The following KCNQ1 variants were observed in gnomAD, a reference collection of about 807,000 sequenced individuals.
KCNQ1 encodes potassium voltage-gated channel subfamily Q member 1.
In KCNQ1, 49 loss-of-function variants were observed where a neutral mutation model predicts 72.4. The observed-to-expected ratio is 0.68, with a 90% CI of 0.54 to 0.86. The LOEUF (loss-of-function observed/expected upper bound fraction) is 0.86, where lower values mean the gene tolerates loss of function less well. KCNQ1 is among the 40% of genes least tolerant of loss of function. KCNQ1 has a pLI of 0.00. For synonymous variants in KCNQ1, 450 were observed against 412.6 expected (o/e 1.09, Z -1.10); for missense variants, 790 against 945.1 (o/e 0.84, Z 2.15).
At chr11:2,551,281 G>A (rs115902367) in intron 2 of KCNQ1, among the ~76,000 whole-genome samples, 113 of 152,202 alleles carry the variant, frequency 7.4e-4, no homozygotes, top group African/African-American at 2.5e-3. Context: ...GCCCCTCCCC[G>A]CACCTGGGAA....
At chr11:2,697,444 G>A (rs532151517) in intron 11 of KCNQ1, 10 of 398,404 alleles carry the variant, frequency 2.5e-5, no homozygotes, top group African/African-American at 2.1e-4. Flanking sequence ...ATCTTAAAGA[G>A]AATGATACAC....
In KCNQ1 at chr11:2,653,278, TG is replaced by T. The variant is rs1590008328; in HGVS notation, c.1394-8678del. 5.0e-6 allele frequency: 2 copies of T among 398,732 alleles called. No homozygotes were observed. Among genetic ancestry groups the T allele is most frequent in the East Asian group, 3.6e-5 (1 of 28,080 alleles). 24.7% of individuals were successfully genotyped at this position (398,732 alleles called of 1,614,324 possible). On this transcript the variant is annotated intron_variant, in intron 10 of 15. Coordinates refer to ENST00000155840, the MANE Select transcript of KCNQ1 (RefSeq NM_000218.3). This position sits in a 1 kb window ranked among gnomAD's most constrained non-coding sequence, Gnocchi z 5.3. ...CCCTGCCCTCTGCCCTGAAAACTAG[TG>T]GGGGCAGTGCAGACCAGTTTAGCTA...
intron 11 of KCNQ1, among the ~76,000 whole-genome samples, chr11:2,765,914 T>C (rs1272208720): frequency 6.6e-6 from 1 of 152,220 alleles, no homozygotes; most frequent in East Asian, 1.9e-4. Context: ...CCACTTATAA[T>C]GTATGCAATC....
Position 2,601,619 on chromosome 11 carries a change from T to C in KCNQ1, c.1393+12765T>C, listed in dbSNP as rs902572249. On this transcript the variant is annotated intron_variant, in intron 10 of 15. Coordinates refer to ENST00000155840, the MANE Select transcript of KCNQ1 (RefSeq NM_000218.3). This position sits in a 1 kb window ranked among gnomAD's most constrained non-coding sequence, Gnocchi z 5.2. Reference sequence around the variant, plus strand: ...TGGTGACCACTCATCTGTTCTCTGATTCTCTAGTTTTGTCTTTTCAAAAAT... The same window carrying C: ...TGGTGACCACTCATCTGTTCTCTGACTCTCTAGTTTTGTCTTTTCAAAAAT... Among the ~76,000 whole-genome samples the C allele has an allele frequency of 3.3e-5, 5 of 152,190 alleles. No individual in the cohort carries two copies. Among genetic ancestry groups the C allele is most frequent in the Non-Finnish European group, 5.9e-5 (4 of 68,030 alleles).
intron 1 of KCNQ1, among the ~76,000 whole-genome samples, chr11:2,490,877 G>GT (rs1477199333): frequency 7.2e-5 from 11 of 151,938 alleles, no homozygotes; most frequent in African/African-American, 1.7e-4. Context: ...TTGTTTGTTT[G>GT]TTTGTTTTAG....
At position 2,508,209 on chromosome 11, in the gene KCNQ1, G is replaced by A. The variant is rs537753632; in HGVS notation, c.387-19719G>A. On this transcript the variant is annotated intron_variant, in intron 1 of 15. Transcript: ENST00000155840. This position sits in a 1 kb window ranked among gnomAD's most constrained non-coding sequence, Gnocchi z 6.2. The stretch of plus-strand genomic sequence containing the variant: ...CAAACACTAGGCATGCATGTTTGAG[G>A]TACCACAACCTCCACCAACCCATGG... Among the ~76,000 whole-genome samples, 36 of 152,310 alleles carry A rather than the reference G, an allele frequency of 2.4e-4. No homozygotes were observed. Among genetic ancestry groups the A allele is most frequent in the African/African-American group, 8.4e-4 (35 of 41,576 alleles).
In KCNQ1 at chr11:2,612,639, C is replaced by T; in HGVS notation, c.1393+23785C>T. 2.5e-6 allele frequency: 1 copy of T among 398,500 alleles called. No individual in the cohort carries two copies. The allele number at this position is 398,500 out of a possible 1,614,324, so 24.7% of individuals were successfully genotyped here. On this transcript the variant is annotated intron_variant, in intron 10 of 15. Transcript: ENST00000155840. The surrounding 1 kb of genome is among the most constrained non-coding windows in gnomAD (Gnocchi z 5.5). Reference sequence around the variant, plus strand: ...TATTATCTATTTGATGAGTCTTTGTCATCACACTTGCATTCTTTAATGTGG... The same window carrying T: ...TATTATCTATTTGATGAGTCTTTGTTATCACACTTGCATTCTTTAATGTGG...
rs926675684 is a variant in KCNQ1 at position 2,537,891 on chromosome 11, T to G, written c.477+9873T>G. Among the ~76,000 whole-genome samples, 2 of 152,120 alleles carry G rather than the reference T, an allele frequency of 1.3e-5. No individual in the cohort carries two copies. Among genetic ancestry groups the G allele is most frequent in the African/African-American group, 2.4e-5 (1 of 41,418 alleles). On this transcript the variant is annotated intron_variant, in intron 2 of 15. Transcript: ENST00000155840. This position sits in a 1 kb window ranked among gnomAD's most constrained non-coding sequence, Gnocchi z 5.2. ...CCACCATGCCCCGCTAATTTTTGTATTTTTTGTAGAGATAGGGTTTTGCCA... is the reference window on the plus strand; with the variant it reads ...CCACCATGCCCCGCTAATTTTTGTAGTTTTTGTAGAGATAGGGTTTTGCCA...
Position 2,818,065 on chromosome 11 carries a change from G to A in KCNQ1, c.1795-29702G>A, listed in dbSNP as rs2134050341. On this transcript the variant is annotated intron_variant, in intron 15 of 15. Coordinates refer to ENST00000155840, the MANE Select transcript of KCNQ1 (RefSeq NM_000218.3). This position sits in a 1 kb window ranked among gnomAD's most constrained non-coding sequence, Gnocchi z 7.2. ...AACCCACTATCCTGGCAAAAAAGTGGCAGGATTGTCTGAAAAACACATGGC... is the reference window on the plus strand; with the variant it reads ...AACCCACTATCCTGGCAAAAAAGTGACAGGATTGTCTGAAAAACACATGGC... 6.6e-6 allele frequency among the ~76,000 whole-genome samples: 1 copy of A among 152,266 alleles called. No individual in the cohort carries two copies. Among genetic ancestry groups the A allele is most frequent in the South Asian group, 2.1e-4 (1 of 4,830 alleles).
chr11:2,749,505 T>G (rs1163382555), intron 11 of KCNQ1, among the ~76,000 whole-genome samples: 1 of 151,628 alleles, frequency 6.6e-6, no homozygotes, highest in Non-Finnish European at 1.5e-5. Flanking sequence ...GGAGTTAACA[T>G]GTGTTTAAAA....
Position 2,484,253 on chromosome 11 carries a change from T to A in KCNQ1, c.386+38769T>A, listed in dbSNP as rs1846698724. ...ATCTCGGCTCACTGAAACCTCTGCC[T>A]CCGGGGTTCAAGTGATTCTCCTGCC... On this transcript the variant is annotated intron_variant, in intron 1 of 15. Coordinates refer to ENST00000155840, the MANE Select transcript of KCNQ1 (RefSeq NM_000218.3). The surrounding 1 kb of genome is among the most constrained non-coding windows in gnomAD (Gnocchi z 5.2). Among the ~76,000 whole-genome samples, 1 of 152,164 alleles carries A rather than the reference T, an allele frequency of 6.6e-6. No homozygotes were observed. The highest frequency in any genetic ancestry group is 2.4e-5 in the African/African-American group (1 of 41,422).
chr11:2,780,519 G>A (rs971707860), intron 15 of KCNQ1, among the ~76,000 whole-genome samples: 7 of 152,034 alleles, frequency 4.6e-5, no homozygotes, highest in African/African-American at 1.5e-4. Flanking sequence ...ACCTCATCCC[G>A]CTGGTCTGGC....
At chr11:2,615,769 G>A (rs1476083111) in intron 10 of KCNQ1, 1 of 397,820 alleles carries the variant, frequency 2.5e-6, no homozygotes, top group Non-Finnish European at 4.4e-6. Context: ...TTAATATGCT[G>A]CTGAATTTGG....
chr11:2,445,190 C>A lies in KCNQ1; in HGVS notation c.92C>A (p.Ala31Asp), dbSNP rs1225536308. 1 of 1,148,282 alleles carries A rather than the reference C, an allele frequency of 8.7e-7. No individual in the cohort carries two copies. Among genetic ancestry groups the A allele is most frequent in the Non-Finnish European group, 1.1e-6 (1 of 929,754 alleles). The allele number at this position is 1,148,282 out of a possible 1,614,324, so 71.1% of individuals were successfully genotyped here. The change falls in exon 1 of 16, where the codon GCC becomes GAC. Residue 31 changes from alanine to aspartate, a missense_variant. This residue lies in a region of KCNQ1 where 294 missense variants were observed against 323.3 expected (regional missense o/e 0.91). Transcript: ENST00000155840. ...GCCCGGCGGGGCAGCGCGGGCCTGG[C>A]CAAGAAGTGCCCCTTCTCGCTGGAG... The part of the protein sequence containing the change: ...PGARRGSAGL[A>D]KKCPFSLELA...
At chr11:2,838,586 G>T (rs1345029219) in intron 15 of KCNQ1, among the ~76,000 whole-genome samples, 1 of 152,150 alleles carries the variant, frequency 6.6e-6, no homozygotes, top group Non-Finnish European at 1.5e-5. Context: ...TGGGGTCCTA[G>T]GGGCTGGTGC....
chr11:2,839,149 C>T (rs1345784650), intron 15 of KCNQ1, among the ~76,000 whole-genome samples: 5 of 152,080 alleles, frequency 3.3e-5, no homozygotes, highest in African/African-American at 4.8e-5. Context: ...GCTCGAGACC[C>T]CATCCCAGCC....
chr11:2,453,924 G>A (rs529008267), intron 1 of KCNQ1, among the ~76,000 whole-genome samples: 1 of 152,160 alleles, frequency 6.6e-6, no homozygotes. Flanking sequence ...ATTATGAAGT[G>A]ATTATCAGGA....
At chr11:2,591,612 G>A (rs1157434756) in intron 10 of KCNQ1, among the ~76,000 whole-genome samples, 2 of 152,218 alleles carry the variant, frequency 1.3e-5, no homozygotes, top group African/African-American at 4.8e-5. Flanking sequence ...GAGAAGCATC[G>A]CTTGCTGCTT....
At chr11:2,524,919 GC>G (rs1312284399) in intron 1 of KCNQ1, among the ~76,000 whole-genome samples, 2 of 152,266 alleles carry the variant, frequency 1.3e-5, no homozygotes, top group East Asian at 3.9e-4. Context: ...GGCATCTTCT[GC>G]CCCGGGCAGC....
Sources: allele counts gnomAD v4.1 joint callset (sites outside exome capture counted in the v4.1 genomes callset), GRCh38; gene constraint gnomAD v4.1.1; regional missense constraint gnomAD v4.1.1; non-coding constraint Gnocchi (gnomAD v3.1); transcripts MANE v1.5; gene names NCBI Gene and HGNC (gene_info 2026-07-23, HGNC 2026-07-21).